The following SMARCC2 variants were observed in gnomAD, a reference collection of about 807,000 sequenced individuals.
The protein encoded by SMARCC2 is SWI/SNF complex subunit SMARCC2.
In SMARCC2, 15 loss-of-function variants were observed where a neutral mutation model predicts 151.3. The ratio of observed to expected loss-of-function variants is 0.10; its 90% CI spans 0.07 to 0.15. SMARCC2 has a LOEUF of 0.15. Ranked by LOEUF, SMARCC2 falls within the 10% of genes least tolerant of loss-of-function variation. The probability of loss-of-function intolerance (pLI) is 1.00; values close to 1 mark genes in which losing one functional copy is unlikely to be tolerated. For missense variants in SMARCC2, 1,031 were observed against 1,599.7 expected, an observed-to-expected ratio of 0.64 and a Z score of 6.06; for synonymous variants, 590 against 609.5, an observed-to-expected ratio of 0.97 and a Z score of 0.47.
chr12:56,170,666 C>A (rs1355888347), intron 22 of SMARCC2, among the ~76,000 whole-genome samples: 4 of 151,588 alleles, frequency 2.6e-5, no homozygotes, highest in Non-Finnish European at 5.9e-5. Flanking sequence ...CTGCCCACCT[C>A]AGCCTCCCAA....
rs778788888 is a variant in SMARCC2 at position 56,182,001 on chromosome 12, C to T, written c.708+3G>A. 2 of 1,608,746 alleles carry T rather than the reference C, an allele frequency of 1.2e-6. No homozygotes were observed. Among genetic ancestry groups the T allele is most frequent in the Non-Finnish European group, 1.7e-6 (2 of 1,176,734 alleles). The stretch of plus-strand genomic sequence containing the variant: ...GGGAAGAGGGGATACAAGAAAAGCT[C>T]ACCTTCCTAGGTTTCTCAGGAGTTG... On this transcript the variant is annotated splice_donor_region_variant and intron_variant, in intron 8 of 28. Transcript: ENST00000550164.
At chr12:56,180,934 C>A in intron 11 of SMARCC2, 43 bp downstream of exon 11, 1 of 1,575,770 alleles carries the variant, frequency 6.3e-7, no homozygotes, top group Non-Finnish European at 8.6e-7. Context: ...AGAGTCAAGA[C>A]GGGGAGTGGG....
At chr12:56,187,729 TC>T (rs1877524879) in intron 1 of SMARCC2, among the ~76,000 whole-genome samples, 1 of 152,082 alleles carries the variant, frequency 6.6e-6, no homozygotes, top group African/African-American at 2.4e-5. Context: ...AAGCCATGAT[TC>T]CCCCTATAAT....
At position 56,164,488 on chromosome 12, in the gene SMARCC2, C is replaced by T. The variant is rs757269663; in HGVS notation, c.3476G>A (p.Gly1159Asp). ...GHHHHLPFAP[G>D]TLPPPNLPVS... ...AGGCAGGTTAGGTGGGGGGAGAGTGCCCGGGGCGAACGGGAGATGGTGGTG... is the reference window on the plus strand; with the variant it reads ...AGGCAGGTTAGGTGGGGGGAGAGTGTCCGGGGCGAACGGGAGATGGTGGTG... Residue 1159 changes from glycine to aspartate, a missense_variant, in exon 28 of 29, where the codon GGC (glycine) becomes GAC (aspartate). Physicochemically the swap from Gly to Asp is moderately conservative, Grantham distance 94. Transcript: ENST00000550164. 5 of 1,614,050 alleles carry T rather than the reference C, an allele frequency of 3.1e-6. No individual in the cohort carries two copies. The highest frequency in any genetic ancestry group is 8.5e-7 in the Non-Finnish European group (1 of 1,180,018).
chr12:56,186,067 G>T, intron 3 of SMARCC2, 88 bp downstream of exon 3: 2 of 975,396 alleles, frequency 2.1e-6, no homozygotes, highest in Non-Finnish European at 3.2e-6. Context: ...AGACTCACAA[G>T]AATTTCTACC....
At position 56,182,045 on chromosome 12, in the gene SMARCC2, C is replaced by A; in HGVS notation, c.667G>T (p.Ala223Ser). ...GGAGTTGGAGCATCTTCCACAGATG[C>A]CTCAATTTCACTCGCTGGGATCCAC... ...DTWIPASEIE[A>S]SVEDAPTPEK... The change falls in exon 8 of 29, where the codon GCA becomes TCA. Residue 223 changes from alanine (A) to serine (S), a missense_variant. Ala to Ser is a moderately conservative substitution (Grantham distance 99, BLOSUM62 1). Transcript: ENST00000550164. 1 of 1,613,050 alleles carries A rather than the reference C, an allele frequency of 6.2e-7. No homozygotes were observed. The highest frequency in any genetic ancestry group is 1.3e-5 in the African/African-American group (1 of 74,932).
In SMARCC2 at chr12:56,163,756, G is replaced by A. The variant is rs774374106; in HGVS notation, c.3671C>T (p.Thr1224Ile). ...PSASPLPDPG[T>I]PLPPDPTAPS... is the part of the protein sequence containing the mutation. The stretch of plus-strand genomic sequence containing the variant: ...GGCTGTGGGGTCTGGAGGCAGGGGG[G>A]TGCCTGGGTCTGTGGAGAAAAGGAA... Residue 1224 changes from threonine to isoleucine, a missense_variant, in exon 29 of 29, where the codon ACC becomes ATC. Physicochemically the swap from Thr to Ile is moderately conservative, Grantham distance 89 (BLOSUM62 -1). Transcript: ENST00000550164. 6.6e-6 allele frequency: 10 copies of A among 1,512,560 alleles called. No individual in the cohort carries two copies. The African/African-American group carries it at 1.0e-4, about 16-fold the overall frequency. 93.7% of individuals were successfully genotyped at this position (1,512,560 alleles called of 1,614,324 possible). A position where few individuals can be genotyped will look rare whatever the true frequency, so the allele number is the denominator to read the frequency against.
At chr12:56,164,930 T>C (rs1403198007) in intron 27 of SMARCC2, among the ~76,000 whole-genome samples, 199 bp from the exon 28 acceptor site, 1 of 152,052 alleles carries the variant, frequency 6.6e-6, no homozygotes, top group Non-Finnish European at 1.5e-5. Flanking sequence ...TGGTACTACA[T>C]GTACGCACCA....
Position 56,171,550 on chromosome 12 carries a change from G to A in SMARCC2, c.2186-118C>T. ...TCTAAGCTAGTATGGAGCCTAGACA[G>A]GTGCCTGAGCTGAGGCCCGCACAGA... On this transcript the variant is annotated intron_variant, in intron 21 of 28. Coordinates refer to ENST00000550164, the MANE Select transcript of SMARCC2 (RefSeq NM_001330288.2). This position sits in a 1 kb window ranked among gnomAD's most constrained non-coding sequence, Gnocchi z 4.2. The A allele has an allele frequency of 1.3e-6, 2 of 1,506,126 alleles. No individual in the cohort carries two copies. Among genetic ancestry groups the A allele is most frequent in the South Asian group, 1.2e-5 (1 of 80,888 alleles). The allele number at this position is 1,506,126 out of a possible 1,614,324, so 93.3% of individuals were successfully genotyped here. A position where few individuals can be genotyped will look rare whatever the true frequency, so the allele number is the denominator to read the frequency against.
In SMARCC2 at chr12:56,189,365, T is replaced by C; in HGVS notation, c.97A>G (p.Lys33Glu). The C allele has an allele frequency of 1.3e-6, 2 of 1,531,166 alleles. No individual in the cohort carries two copies. The highest frequency in any genetic ancestry group is 1.8e-6 in the Non-Finnish European group (2 of 1,134,170). The allele number at this position is 1,531,166 out of a possible 1,614,324, so 94.8% of individuals were successfully genotyped here. ...GGCCCGCGTACCTTCTTGTAGTTCT[T>C]GCCGAGCCACAGCCGCACGTTGTCG... The part of the protein sequence containing the change: ...QFDNVRLWLG[K>E]NYKKYIQAEP... Residue 33 changes from lysine to glutamate, a missense_variant, in exon 1 of 29, where the codon AAG (lysine) becomes GAG (glutamate). Around this residue, in one of 12 missense-constraint regions of SMARCC2, gnomAD observed 50 missense variants for 52.4 expected, o/e 0.95. Transcript: ENST00000550164.
At chr12:56,181,157 G>C (rs1876124317) in intron 10 of SMARCC2, 56 bp from the exon 11 acceptor site, 7 of 1,557,400 alleles carry the variant, frequency 4.5e-6, no homozygotes, top group Non-Finnish European at 6.1e-6. Flanking sequence ...AGGAGTCCCT[G>C]GAAGTTGAAG....
intron 25 of SMARCC2, 73 bp downstream of exon 25, chr12:56,169,456 G>T: frequency 6.6e-7 from 1 of 1,509,454 alleles, no homozygotes; most frequent in Non-Finnish European, 9.0e-7. Context: ...AGTGAGGAAA[G>T]ATTTCCTCTA....
At position 56,171,953 on chromosome 12, in the gene SMARCC2, G is replaced by A. The variant is rs1339049361; in HGVS notation, c.1927-16C>T. On this transcript the variant is annotated splice_polypyrimidine_tract_variant and intron_variant, in intron 20 of 28. Transcript: ENST00000550164. The surrounding 1 kb of genome is among the most constrained non-coding windows in gnomAD (Gnocchi z 4.2). ...TTTCCAGTGCCTGGTGGTAGTGGTG[G>A]AGACATAACTCCGCTTACTTAGCCA... 2 of 1,587,550 alleles carry A rather than the reference G, an allele frequency of 1.3e-6. No homozygotes were observed. The highest frequency in any genetic ancestry group is 1.7e-6 in the Non-Finnish European group (2 of 1,164,546).
At chr12:56,170,025 A>G (rs543490307) in intron 23 of SMARCC2, 114 bp from the exon 24 acceptor site, 1 of 1,432,976 alleles carries the variant, frequency 7.0e-7, no homozygotes, top group South Asian at 1.2e-5. Flanking sequence ...AGGTGATCTG[A>G]TTCTAGGAGA....
At chr12:56,174,916 A>C in intron 15 of SMARCC2, 152 bp from the exon 16 acceptor site, 1 of 580,330 alleles carries the variant, frequency 1.7e-6, no homozygotes, top group African/African-American at 1.9e-5. Context: ...AGTGCCTGCT[A>C]TGTGCTAGAT....
In SMARCC2 at chr12:56,162,366, GA is replaced by G; in HGVS notation, c.*1322del. ...CAGAATGCACCCACAAGATGGAACTGAAAGCAAATTAATTTATAAAAAAAAA... is the reference window on the plus strand; with the variant it reads ...CAGAATGCACCCACAAGATGGAACTGAAGCAAATTAATTTATAAAAAAAAA... On this transcript the variant is annotated 3_prime_UTR_variant, in exon 29 of 29. Coordinates refer to ENST00000550164, the MANE Select transcript of SMARCC2 (RefSeq NM_001330288.2). The G allele has an allele frequency of 3.3e-6, 2 of 599,832 alleles. No homozygotes were observed. Among genetic ancestry groups the G allele is most frequent in the Non-Finnish European group, 2.9e-6 (1 of 340,058 alleles). 37.2% of individuals were successfully genotyped at this position (599,832 alleles called of 1,614,324 possible). A position where few individuals can be genotyped will look rare whatever the true frequency, so the allele number is the denominator to read the frequency against.
At chr12:56,174,626 C>A (rs371624397) in intron 16 of SMARCC2, 25 bp downstream of exon 16, 9 of 1,487,474 alleles carry the variant, frequency 6.1e-6, no homozygotes, top group African/African-American at 1.4e-5. Flanking sequence ...TCATGTACCC[C>A]CTTCCCCTCA....
In SMARCC2 at chr12:56,171,829, A is replaced by G. The variant is rs1265680350; in HGVS notation, c.2035T>C (p.Tyr679His). ...HFLRLPIEDP[Y>H]LEDSEASLGP... Reference sequence around the variant, plus strand: ...AGGGAGGCCTCTGAGTCCTCCAGGTATGGGTCTTCAATGGGAAGACGAAGA... The same window carrying G: ...AGGGAGGCCTCTGAGTCCTCCAGGTGTGGGTCTTCAATGGGAAGACGAAGA... The change falls in exon 21 of 29, where the codon TAC (tyrosine) becomes CAC (histidine). Residue 679 changes from tyrosine (Y) to histidine (H), a missense_variant. Tyr to His is a moderately conservative substitution (Grantham distance 83, BLOSUM62 2). This residue lies in a region of SMARCC2 where 51 missense variants were observed against 137.9 expected (regional missense o/e 0.37). Transcript: ENST00000550164. This position sits in a 1 kb window ranked among gnomAD's most constrained non-coding sequence, Gnocchi z 4.2. 6.2e-7 allele frequency: 1 copy of G among 1,614,148 alleles called. No individual in the cohort carries two copies. The highest frequency in any genetic ancestry group is 1.7e-5 in the Admixed American group (1 of 60,008).
intron 26 of SMARCC2, 74 bp from the exon 27 acceptor site, chr12:56,165,773 GTCT>G (rs1415018806): frequency 4.9e-6 from 7 of 1,435,380 alleles, no homozygotes; most frequent in East Asian, 2.3e-5. Flanking sequence ...CCCCTGCTTT[GTCT>G]TCTTCTGAAA....
Sources: allele counts gnomAD v4.1 joint callset (sites outside exome capture counted in the v4.1 genomes callset), GRCh38; gene constraint gnomAD v4.1.1; regional missense constraint gnomAD v4.1.1; non-coding constraint Gnocchi (gnomAD v3.1); transcripts MANE v1.5; gene names NCBI Gene and HGNC (gene_info 2026-07-23, HGNC 2026-07-21).